The following NEBL variants were observed in gnomAD, a reference collection of about 807,000 sequenced individuals.
NEBL encodes the protein LIM and SH3 protein 2.
Under a neutral mutation model 140.2 loss-of-function variants are expected in NEBL, and 122 were observed. The observed-to-expected ratio is 0.87, with a 90% CI of 0.75 to 1.01. The LOEUF (loss-of-function observed/expected upper bound fraction) is 1.01, where lower values mean the gene tolerates loss of function less well. NEBL is among the 50% of genes least tolerant of loss of function. The pLI, the probability that NEBL is intolerant of heterozygous loss-of-function variation, is 0.00. For synonymous variants in NEBL, 436 were observed against 398.9 expected (o/e 1.09, Z -1.11); for missense variants, 1,365 against 1,231.3 (o/e 1.11, Z -1.62).
At chr10:20,971,665 G>A (rs1836579463) in intron 3 of NEBL, among the ~76,000 whole-genome samples, 1 of 134,370 alleles carries the variant, frequency 7.4e-6, no homozygotes, top group Non-Finnish European at 1.5e-5. Flanking sequence ...CCAGGCTGGT[G>A]TGCAGTGGCG....
chr10:20,790,613 A>C (rs543698844), intron 26 of NEBL, among the ~76,000 whole-genome samples: 4 of 151,464 alleles, frequency 2.6e-5, no homozygotes, highest in Middle Eastern at 6.8e-3. Context: ...AAAAAAAAAA[A>C]CAAAACAAAC....
intron 9 of NEBL, among the ~76,000 whole-genome samples, chr10:20,856,110 C>A (rs1843052379): frequency 1.3e-5 from 2 of 152,168 alleles, no homozygotes; most frequent in South Asian, 4.1e-4. Context: ...AAGTCTTTCT[C>A]TCCCAGGAAG....
intron 3 of NEBL, among the ~76,000 whole-genome samples, chr10:21,193,641 C>T (rs1841609027): frequency 6.6e-6 from 1 of 152,144 alleles, no homozygotes; most frequent in Admixed American, 6.5e-5. Context: ...GTATGAATTC[C>T]ACAACCTCAT....
chr10:21,233,898 A>G (rs1361396360), intron 3 of NEBL, among the ~76,000 whole-genome samples: 1 of 137,594 alleles, frequency 7.3e-6, no homozygotes, highest in African/African-American at 2.6e-5. Flanking sequence ...TATATATTAC[A>G]TATATATGCA....
chr10:20,797,558 C>G (rs760770440), intron 26 of NEBL, among the ~76,000 whole-genome samples: 50 of 152,260 alleles, frequency 3.3e-4, no homozygotes, highest in Non-Finnish European at 4.3e-4. Context: ...CCAACATGAT[C>G]TCAAGATACA....
At chr10:21,036,280 C>T (rs1022232894) in intron 2 of NEBL, among the ~76,000 whole-genome samples, 1 of 152,004 alleles carries the variant, frequency 6.6e-6, no homozygotes, top group African/African-American at 2.4e-5. Context: ...ATAGCAAGAC[C>T]TCCTTTCTAC....
At chr10:21,242,663 T>C (rs1264546506) in intron 3 of NEBL, among the ~76,000 whole-genome samples, 1 of 152,168 alleles carries the variant, frequency 6.6e-6, no homozygotes, top group Admixed American at 6.5e-5. Flanking sequence ...GGTGCACAAC[T>C]CACTTGGGTA....
intron 3 of NEBL, among the ~76,000 whole-genome samples, chr10:20,984,285 C>A (rs1367301585): frequency 6.6e-6 from 1 of 152,100 alleles, no homozygotes; most frequent in Non-Finnish European, 1.5e-5. Context: ...AACTTAATAA[C>A]AAAATTATTT....
intron 2 of NEBL, among the ~76,000 whole-genome samples, chr10:21,118,803 T>A (rs1377691623): frequency 6.6e-6 from 1 of 152,140 alleles, no homozygotes; most frequent in African/African-American, 2.4e-5. Flanking sequence ...GCATAGTCAT[T>A]TATAGAAAAT....
At chr10:20,968,138 C>A (rs1677971710) in intron 3 of NEBL, among the ~76,000 whole-genome samples, 1 of 152,084 alleles carries the variant, frequency 6.6e-6, no homozygotes, top group South Asian at 2.1e-4. Context: ...CACCAGCAAA[C>A]ACAGACTTGA....
At chr10:21,119,890 C>A (rs1207083702) in intron 2 of NEBL, among the ~76,000 whole-genome samples, 3 of 152,016 alleles carry the variant, frequency 2.0e-5, no homozygotes, top group Admixed American at 2.0e-4. Flanking sequence ...TAAACAGCTC[C>A]CCAGCCTTTC....
chr10:20,851,463 C>T (rs970314162), intron 10 of NEBL, among the ~76,000 whole-genome samples: 15 of 151,936 alleles, frequency 9.9e-5, no homozygotes, highest in African/African-American at 3.4e-4. Context: ...AGTATAATAA[C>T]ACACAACACT....
chr10:20,925,234 T>C (rs1174273607), intron 4 of NEBL, among the ~76,000 whole-genome samples: 2 of 152,152 alleles, frequency 1.3e-5, no homozygotes, highest in African/African-American at 2.4e-5. Flanking sequence ...TATCCAGAAA[T>C]GGAAATATAC....
At chr10:21,242,261 C>T (rs1029926182) in intron 3 of NEBL, among the ~76,000 whole-genome samples, 4 of 152,078 alleles carry the variant, frequency 2.6e-5, no homozygotes, top group African/African-American at 9.7e-5. Context: ...AAATGTGGTA[C>T]ATACACACCA....
At chr10:20,897,508 A>G (rs1564431300), upstream of NEBL, 4 of 1,122,186 alleles carry the variant, frequency 3.6e-6, no homozygotes, top group South Asian at 1.1e-4. Flanking sequence ...CCAAAAGAAA[A>G]AATTTATTTA....
chr10:21,017,345 A>T (rs1838594650), intron 3 of NEBL, among the ~76,000 whole-genome samples: 1 of 152,188 alleles, frequency 6.6e-6, no homozygotes, highest in South Asian at 2.1e-4. Flanking sequence ...AATTGCATTG[A>T]ATTTCCCCAT....
At chr10:20,949,756 A>C (rs1835367828) in intron 4 of NEBL, among the ~76,000 whole-genome samples, 1 of 152,036 alleles carries the variant, frequency 6.6e-6, no homozygotes, top group East Asian at 1.9e-4. Flanking sequence ...TTTTCTGCTG[A>C]GGACGTCTTT....
intron 2 of NEBL, among the ~76,000 whole-genome samples, chr10:21,027,036 T>C (rs1313532083): frequency 2.0e-5 from 3 of 152,212 alleles, no homozygotes; most frequent in African/African-American, 4.8e-5. Flanking sequence ...AAGCGCATCT[T>C]GTGTGGCTCT....
chr10:21,212,628 A>T (rs1052938516), intron 3 of NEBL, among the ~76,000 whole-genome samples: 6 of 152,204 alleles, frequency 3.9e-5, no homozygotes, highest in African/African-American at 1.4e-4. Context: ...TTGTTGGATG[A>T]CCAGGGACAT....
Sources: allele counts gnomAD v4.1 joint callset (sites outside exome capture counted in the v4.1 genomes callset), GRCh38; gene constraint gnomAD v4.1.1; transcripts MANE v1.5; gene names NCBI Gene and HGNC (gene_info 2026-07-23, HGNC 2026-07-21).